Variants in RIMS1 observed in about 807,000 individuals in gnomAD.
The protein encoded by RIMS1 is regulating synaptic membrane exocytosis protein 1.
Under a neutral mutation model 214.1 loss-of-function variants are expected in RIMS1, and 83 were observed. The ratio of observed to expected loss-of-function variants is 0.39; its 90% confidence interval spans 0.32 to 0.47. The LOEUF (loss-of-function observed/expected upper bound fraction) is 0.47. Ranked by LOEUF, RIMS1 falls within the 20% of genes least tolerant of loss-of-function variation. The pLI is 0.99. For missense variants in RIMS1, 2,050 were observed against 2,161.8 expected, an observed-to-expected ratio of 0.95 and a Z score of 1.03; for synonymous variants, 793 against 786.8, an observed-to-expected ratio of 1.01 and a Z score of -0.13.
intron 6 of RIMS1, chr6:72,216,358 C>A: frequency 1.5e-6 from 1 of 675,110 alleles, no homozygotes; most frequent in Non-Finnish European, 1.8e-6. Context: ...CTTCTCCTGT[C>A]CCCAGCTCTC....
intron 1 of RIMS1, among the ~76,000 whole-genome samples, chr6:71,961,889 G>A (rs777698085): frequency 6.6e-6 from 1 of 152,144 alleles, no homozygotes; most frequent in Non-Finnish European, 1.5e-5. Flanking sequence ...ATGCAGGTTA[G>A]TAAGTAGAAA....
At chr6:72,312,044 C>T (rs1346026929) in intron 27 of RIMS1, among the ~76,000 whole-genome samples, 1 of 152,176 alleles carries the variant, frequency 6.6e-6, no homozygotes, top group Non-Finnish European at 1.5e-5. Context: ...ATTAAATAAA[C>T]ATGAGACCTT....
At chr6:71,933,682 TCACA>T (rs10642216) in intron 1 of RIMS1, among the ~76,000 whole-genome samples, 289 of 139,302 alleles carry the variant, frequency 2.1e-3, no homozygotes, top group Middle Eastern at 6.9e-3. Context: ...TCTTCCTCAA[TCACA>T]CACACACACA....
At chr6:72,035,142 G>C (rs921918835) in intron 2 of RIMS1, among the ~76,000 whole-genome samples, 1 of 152,088 alleles carries the variant, frequency 6.6e-6, no homozygotes, top group Non-Finnish European at 1.5e-5. Flanking sequence ...TTATGGTAAT[G>C]ATAGCTACAT....
At chr6:72,235,830 T>C (rs2063785206) in intron 8 of RIMS1, 102 bp downstream of exon 8, 1 of 502,936 alleles carries the variant, frequency 2.0e-6, no homozygotes, top group South Asian at 6.4e-5. Context: ...TTTAAATATT[T>C]TATATAATTT....
At chr6:72,270,388 T>G (rs564865849) in intron 22 of RIMS1, among the ~76,000 whole-genome samples, 1 of 152,328 alleles carries the variant, frequency 6.6e-6, no homozygotes, top group African/African-American at 2.4e-5. Flanking sequence ...TAATTTCTAA[T>G]TGAGGGCAGG....
At chr6:71,926,147 G>A (rs973629515) in intron 1 of RIMS1, among the ~76,000 whole-genome samples, 5 of 152,076 alleles carry the variant, frequency 3.3e-5, no homozygotes, top group African/African-American at 4.8e-5. Context: ...CGGCCAGGAT[G>A]GTCTCCATCT....
At chr6:71,977,669 A>T (rs1054407269) in intron 2 of RIMS1, among the ~76,000 whole-genome samples, 2 of 152,150 alleles carry the variant, frequency 1.3e-5, no homozygotes, top group Non-Finnish European at 2.9e-5. Flanking sequence ...TGAAAGATAG[A>T]AATCAGCCCT....
At chr6:72,055,447 C>T (rs1371132865) in intron 2 of RIMS1, among the ~76,000 whole-genome samples, 2 of 152,178 alleles carry the variant, frequency 1.3e-5, no homozygotes, top group Non-Finnish European at 2.9e-5. Flanking sequence ...TTCAAAAATA[C>T]TGTAAACAGA....
intron 31 of RIMS1, among the ~76,000 whole-genome samples, chr6:72,394,382 C>A (rs2098749304): frequency 6.6e-6 from 1 of 151,918 alleles, no homozygotes; most frequent in Non-Finnish European, 1.5e-5. Flanking sequence ...CAAAGTTATG[C>A]ATAAGGTTAC....
At chr6:72,319,036 A>T (rs1186236151) in intron 28 of RIMS1, among the ~76,000 whole-genome samples, 3 of 151,928 alleles carry the variant, frequency 2.0e-5, no homozygotes, top group South Asian at 2.1e-4. Flanking sequence ...ATTTTTTTTT[A>T]AATTTGCTTA....
chr6:71,929,564 A>T (rs1194725069), intron 1 of RIMS1, among the ~76,000 whole-genome samples: 1 of 152,058 alleles, frequency 6.6e-6, no homozygotes, highest in Non-Finnish European at 1.5e-5. Flanking sequence ...CCTGTCTTGT[A>T]TTTAGGCAGG....
chr6:72,271,286 A>AATATAT (rs1222564699), intron 22 of RIMS1, among the ~76,000 whole-genome samples: 795 of 44,128 alleles, frequency 0.018, 10 homozygotes, highest in South Asian at 0.031. Flanking sequence ...AAAAAAAAAA[A>AATATAT]ATATATATAT....
intron 1 of RIMS1, among the ~76,000 whole-genome samples, chr6:71,940,562 G>C (rs1013232790): frequency 2.0e-5 from 3 of 152,148 alleles, no homozygotes; most frequent in Admixed American, 2.0e-4. Context: ...AAATGGGCAA[G>C]GAAGACTTTA....
At chr6:72,347,032 T>G (rs558577924) in intron 29 of RIMS1, among the ~76,000 whole-genome samples, 59 of 151,932 alleles carry the variant, frequency 3.9e-4, no homozygotes, top group African/African-American at 1.3e-3. Flanking sequence ...CAGGAGTTAA[T>G]TTACCCTACT....
At chr6:72,188,927 G>A (rs761953257) in intron 6 of RIMS1, among the ~76,000 whole-genome samples, 11 of 152,230 alleles carry the variant, frequency 7.2e-5, no homozygotes, top group Non-Finnish European at 1.3e-4. Flanking sequence ...TTCTTGGCCT[G>A]TTGACTTAAA....
intron 4 of RIMS1, among the ~76,000 whole-genome samples, chr6:72,167,877 G>A: frequency 6.9e-6 from 1 of 144,184 alleles, no homozygotes; most frequent in East Asian, 2.0e-4. Context: ...CAAATTTCTG[G>A]GTCCATTGAT....
At chr6:72,397,819 C>G (rs906422778) in intron 31 of RIMS1, among the ~76,000 whole-genome samples, 2 of 152,158 alleles carry the variant, frequency 1.3e-5, no homozygotes, top group Admixed American at 1.3e-4. Flanking sequence ...GATAGATAGA[C>G]AGACAGGCAG....
chr6:72,140,786 G>T (rs1235165232), intron 4 of RIMS1, among the ~76,000 whole-genome samples: 1 of 151,952 alleles, frequency 6.6e-6, no homozygotes, highest in Non-Finnish European at 1.5e-5. Context: ...TCGTATTTCT[G>T]TCCTTAAGAG....
Sources: allele counts gnomAD v4.1 joint callset (sites outside exome capture counted in the v4.1 genomes callset), GRCh38; gene constraint gnomAD v4.1.1; transcripts MANE v1.5; gene names NCBI Gene and HGNC (gene_info 2026-07-23, HGNC 2026-07-21).